Variants in TRIP12 observed in about 807,000 individuals in gnomAD.
TRIP12 encodes E3 ubiquitin-protein ligase TRIP12.
Under a neutral mutation model 244.2 loss-of-function variants are expected in TRIP12, and 25 were observed. That is an observed-to-expected ratio of 0.10 (90% CI 0.07 to 0.14). The LOEUF is 0.14. TRIP12 is among the 10% of genes least tolerant of loss of function. TRIP12 has a pLI of 1.00. For missense variants in TRIP12, 1,677 were observed against 2,486.4 expected, an observed-to-expected ratio of 0.67 and a Z score of 6.92; for synonymous variants, 905 against 873.1, an observed-to-expected ratio of 1.04 and a Z score of -0.64.
chr2:229,854,633 T>C (rs2059282908), intron 4 of TRIP12, among the ~76,000 whole-genome samples: 1 of 152,216 alleles, frequency 6.6e-6, no homozygotes, highest in African/African-American at 2.4e-5. Flanking sequence ...CAAAATATCA[T>C]TACCTGAACC....
intron 13 of TRIP12, 27 bp from the exon 14 acceptor site, chr2:229,811,231 A>G (rs559542007): frequency 6.0e-5 from 96 of 1,595,008 alleles, no homozygotes; most frequent in Non-Finnish European, 1.9e-5. Flanking sequence ...GGAAAATAAA[A>G]TTTATTAGCA....
chr2:229,793,182 T>C (rs1464977366), intron 26 of TRIP12, 37 bp from the exon 27 acceptor site: 1 of 1,587,196 alleles, frequency 6.3e-7, no homozygotes, highest in Non-Finnish European at 8.6e-7. Context: ...TAGTCTATTA[T>C]TTTCACATTT....
intron 1 of TRIP12, among the ~76,000 whole-genome samples, chr2:229,906,724 C>CAAAAAAA (rs796721054): frequency 1.5e-5 from 1 of 68,320 alleles, no homozygotes; most frequent in Non-Finnish European, 3.3e-5. Flanking sequence ...CACCTCAAAA[C>CAAAAAAA]AAAAAAAAAA....
At chr2:229,898,719 G>T (rs1258558628) in intron 1 of TRIP12, among the ~76,000 whole-genome samples, 1 of 151,936 alleles carries the variant, frequency 6.6e-6, no homozygotes, top group Non-Finnish European at 1.5e-5. Flanking sequence ...TAAAGACAGG[G>T]TCCCACTGTC....
intron 32 of TRIP12, 100 bp downstream of exon 32, chr2:229,788,697 AT>A: frequency 1.4e-6 from 2 of 1,447,436 alleles, no homozygotes; most frequent in Non-Finnish European, 1.9e-6. Flanking sequence ...ATTAATAAAC[AT>A]TTGACTAGGT....
chr2:229,877,681 C>T (rs2063874146), intron 2 of TRIP12, among the ~76,000 whole-genome samples: 1 of 152,192 alleles, frequency 6.6e-6, no homozygotes, highest in Non-Finnish European at 1.5e-5. Context: ...CCAATGCAAC[C>T]TGAGGATTAA....
intron 1 of TRIP12, among the ~76,000 whole-genome samples, chr2:229,907,876 A>C (rs2073262759): frequency 6.6e-6 from 1 of 152,182 alleles, no homozygotes; most frequent in Non-Finnish European, 1.5e-5. Context: ...CATTGTTTTA[A>C]ATGTTTTACA....
chr2:229,859,598 G>C (rs1271629747), intron 3 of TRIP12, 24 bp from the exon 4 acceptor site: 3 of 1,590,480 alleles, frequency 1.9e-6, no homozygotes, highest in Non-Finnish European at 1.7e-6. Flanking sequence ...TAAGAAAACA[G>C]TTAATATCAG....
intron 13 of TRIP12, among the ~76,000 whole-genome samples, chr2:229,812,454 T>C (rs2154279995): frequency 6.6e-6 from 1 of 152,360 alleles, no homozygotes; most frequent in South Asian, 2.1e-4. Flanking sequence ...GTCTTGATCA[T>C]TTTAGAAGCA....
intron 39 of TRIP12, among the ~76,000 whole-genome samples, chr2:229,770,175 C>T (rs2033696530): frequency 6.6e-6 from 1 of 152,088 alleles, no homozygotes; most frequent in Admixed American, 6.5e-5. Flanking sequence ...CACTATGTTG[C>T]CCAGCCTAAT....
intron 16 of TRIP12, 33 bp downstream of exon 16, chr2:229,808,219 G>A (rs1366888857): frequency 6.6e-7 from 1 of 1,504,532 alleles, no homozygotes; most frequent in Admixed American, 1.7e-5. Flanking sequence ...ACCCGCCTTG[G>A]CCTCCCAAAG....
intron 1 of TRIP12, among the ~76,000 whole-genome samples, chr2:229,918,565 T>G (rs535992177): frequency 1.2e-4 from 19 of 152,272 alleles, no homozygotes; most frequent in East Asian, 5.8e-4. Context: ...CGTAAATGAA[T>G]TTGAAGTTTC....
At chr2:229,865,072 T>C (rs767245088) in intron 2 of TRIP12, among the ~76,000 whole-genome samples, 6 of 151,746 alleles carry the variant, frequency 4.0e-5, no homozygotes, top group Admixed American at 1.3e-4. Flanking sequence ...CTTTGGAAGG[T>C]TGAAAGCAGG....
intron 6 of TRIP12, among the ~76,000 whole-genome samples, chr2:229,832,373 T>C (rs1052567483): frequency 2.6e-5 from 4 of 152,220 alleles, no homozygotes; most frequent in African/African-American, 2.4e-5. Context: ...AAACATTTAC[T>C]ATCTGGCCTT....
intron 8 of TRIP12, 26 bp from the exon 9 acceptor site, chr2:229,818,538 C>T: frequency 6.3e-7 from 1 of 1,597,916 alleles, no homozygotes; most frequent in Non-Finnish European, 8.5e-7. Context: ...TAATTATTAT[C>T]TTTAAACATT....
At chr2:229,889,482 A>G (rs2066829378) in intron 1 of TRIP12, among the ~76,000 whole-genome samples, 1 of 152,214 alleles carries the variant, frequency 6.6e-6, no homozygotes, top group South Asian at 2.1e-4. Flanking sequence ...AAGCACACAG[A>G]CAGCAACTTT....
intron 37 of TRIP12, among the ~76,000 whole-genome samples, chr2:229,774,825 G>C (rs1197196056): frequency 1.4e-5 from 2 of 146,714 alleles, no homozygotes; most frequent in African/African-American, 5.1e-5. Flanking sequence ...GCAACACTGT[G>C]ATCTAAAAAA....
At chr2:229,807,392 A>G (rs2046144585) in intron 17 of TRIP12, 1 of 334,854 alleles carries the variant, frequency 3.0e-6, no homozygotes, top group Admixed American at 4.5e-5. Context: ...TTTCTGATAG[A>G]AGATAGATAA....
intron 4 of TRIP12, among the ~76,000 whole-genome samples, chr2:229,853,655 C>G (rs1447801498): frequency 6.7e-6 from 1 of 149,464 alleles, no homozygotes; most frequent in Non-Finnish European, 1.5e-5. Flanking sequence ...GAGACTCTGA[C>G]TCCAAAAATA....
Sources: allele counts gnomAD v4.1 joint callset (sites outside exome capture counted in the v4.1 genomes callset), GRCh38; gene constraint gnomAD v4.1.1; transcripts MANE v1.5; gene names NCBI Gene and HGNC (gene_info 2026-07-23, HGNC 2026-07-21).